TTC7A: variants seen among roughly 807,000 people sequenced by gnomAD.
TTC7A encodes tetratricopeptide repeat domain 7A.
Under a neutral mutation model 103.7 loss-of-function variants are expected in TTC7A, and 110 were observed. The observed-to-expected ratio is 1.06, with a 90% CI of 0.91 to 1.24. The LOEUF is 1.24. TTC7A is among the 50% of genes most tolerant of loss of function. The pLI, the probability that TTC7A is intolerant of heterozygous loss-of-function variation, is 0.00. For synonymous variants in TTC7A, 521 were observed against 467.9 expected, an observed-to-expected ratio of 1.11 and a Z score of -1.47; for missense variants, 1,340 against 1,116.3, an observed-to-expected ratio of 1.20 and a Z score of -2.86.
chr2:47,002,550 A>G (rs72872926), intron 8 of TTC7A, among the ~76,000 whole-genome samples: 2,430 of 152,150 alleles, frequency 0.016, 63 homozygotes, highest in African/African-American at 0.055. Context: ...ATGGGGGTAC[A>G]CCATGTGGCC....
intron 19 of TTC7A, among the ~76,000 whole-genome samples, chr2:47,072,150 G>A (rs958812250): frequency 6.6e-6 from 1 of 152,194 alleles, no homozygotes; most frequent in Non-Finnish European, 1.5e-5. Flanking sequence ...TGGCCAGCCT[G>A]GCCACTACCC....
intron 16 of TTC7A, chr2:47,046,928 G>C (rs1682385518): frequency 7.4e-6 from 2 of 270,320 alleles, no homozygotes; most frequent in Non-Finnish European, 1.4e-5. Flanking sequence ...GGCTAGAAGA[G>C]GAGGAGGAGG....
rs1296013032 is a variant in TTC7A at position 47,023,434 on chromosome 2, T to C, written c.1537T>C (p.Leu513=). The C allele has an allele frequency of 6.2e-7, 1 of 1,614,042 alleles. No homozygotes were observed. The highest frequency in any genetic ancestry group is 2.2e-5 in the East Asian group (1 of 44,878). The change falls in exon 13 of 20, where the codon TTG becomes CTG. Residue 513 remains leucine, a synonymous_variant. Coordinates refer to ENST00000319190, the MANE Select transcript of TTC7A (RefSeq NM_020458.4). ...DATLKSKQDE[L]HRKALQTLER... Reference sequence around the variant, plus strand: ...CACCCTGAAGTCCAAGCAAGATGAATTGCACCGGAAGGCACTGCAGACGCT... The same window carrying C: ...CACCCTGAAGTCCAAGCAAGATGAACTGCACCGGAAGGCACTGCAGACGCT...
At chr2:47,037,075 A>G (rs1378672819) in intron 15 of TTC7A, among the ~76,000 whole-genome samples, 2 of 152,104 alleles carry the variant, frequency 1.3e-5, no homozygotes, top group African/African-American at 4.8e-5. Flanking sequence ...CCTCTCTCCC[A>G]CTATAGGCCT....
At chr2:47,036,452 G>A (rs1298339842) in intron 15 of TTC7A, among the ~76,000 whole-genome samples, 2 of 152,216 alleles carry the variant, frequency 1.3e-5, no homozygotes, top group Admixed American at 6.5e-5. Flanking sequence ...ATTAGTTTTA[G>A]GGTTAAGAAG....
At chr2:47,011,124 C>T (rs1677996941) in intron 10 of TTC7A, among the ~76,000 whole-genome samples, 1 of 152,310 alleles carries the variant, frequency 6.6e-6, no homozygotes. Flanking sequence ...AGGGTCACAG[C>T]CTCTAATCTT....
chr2:47,070,016 GC>G (rs1205027404), intron 19 of TTC7A, among the ~76,000 whole-genome samples: 1 of 152,126 alleles, frequency 6.6e-6, no homozygotes. Flanking sequence ...GGAGGGCTCA[GC>G]CTGGCCCACA....
At chr2:46,945,885 G>A (rs1670892655) in intron 1 of TTC7A, among the ~76,000 whole-genome samples, 1 of 152,190 alleles carries the variant, frequency 6.6e-6, no homozygotes, top group Admixed American at 6.5e-5. Flanking sequence ...TATAGTCCTG[G>A]GAGGTGAGCA....
At chr2:46,969,364 G>C (rs1259545951) in intron 3 of TTC7A, among the ~76,000 whole-genome samples, 1 of 152,022 alleles carries the variant, frequency 6.6e-6, no homozygotes, top group Admixed American at 6.5e-5. Flanking sequence ...AAAATTAGCC[G>C]AGCTTAGTGG....
intron 14 of TTC7A, among the ~76,000 whole-genome samples, chr2:47,028,476 A>G (rs1465990914): frequency 6.6e-6 from 1 of 152,140 alleles, no homozygotes. Context: ...GGGCTACTGG[A>G]GCAGCTGGGG....
Position 47,050,018 on chromosome 2 carries a change from T to C in TTC7A, c.1989T>C (p.Thr663=). ...AGAAGCAGAGTGGCATGCACCTGAC[T>C]TTGCCTGATGCCCATGATGCAGACT... is the stretch of plus-strand genomic sequence containing the variant. ...TMKKQSGMHL[T]LPDAHDADSG... Residue 663 remains threonine, a synonymous_variant, in exon 17 of 20, where the codon ACT becomes ACC. Transcript: ENST00000319190. 1 of 1,614,106 alleles carries C rather than the reference T, an allele frequency of 6.2e-7. No individual in the cohort carries two copies. The highest frequency in any genetic ancestry group is 8.5e-7 in the Non-Finnish European group (1 of 1,180,000).
chr2:46,963,290 T>C (rs1408000612), intron 3 of TTC7A, among the ~76,000 whole-genome samples: 1 of 152,266 alleles, frequency 6.6e-6, no homozygotes, highest in Non-Finnish European at 1.5e-5. Flanking sequence ...AAAGCTTTCT[T>C]ATTCGGAGAG....
chr2:46,956,290 G>A (rs563594450), intron 2 of TTC7A, among the ~76,000 whole-genome samples: 138 of 151,864 alleles, frequency 9.1e-4, no homozygotes, highest in African/African-American at 3.0e-3. Context: ...GACGCAGCAG[G>A]CCCTCTCCTC....
intron 13 of TTC7A, 102 bp downstream of exon 13, chr2:47,023,567 T>C: frequency 8.1e-7 from 1 of 1,241,064 alleles, no homozygotes; most frequent in Non-Finnish European, 1.2e-6. Context: ...AACAAACATT[T>C]CTATCTCCAT....
Position 47,024,272 on chromosome 2 carries a change from C to T in TTC7A, c.1569-15C>T. On this transcript the variant is annotated splice_polypyrimidine_tract_variant and intron_variant, in intron 13 of 19. Coordinates refer to ENST00000319190, the MANE Select transcript of TTC7A (RefSeq NM_020458.4). Reference sequence around the variant, plus strand: ...ACCCCTGGTGCCTGACTTGTCACTCCCTCTCCCCACACAGGGCTCAGCAGC... The same window carrying T: ...ACCCCTGGTGCCTGACTTGTCACTCTCTCTCCCCACACAGGGCTCAGCAGC... 1.3e-6 allele frequency: 2 copies of T among 1,584,690 alleles called. No individual in the cohort carries two copies. The highest frequency in any genetic ancestry group is 1.7e-6 in the Non-Finnish European group (2 of 1,164,418).
Position 46,978,912 on chromosome 2 carries a change from G to A in TTC7A, c.764+5G>A, listed in dbSNP as rs1180479579. On this transcript the variant is annotated splice_donor_5th_base_variant and intron_variant, in intron 5 of 19. Coordinates refer to ENST00000319190, the MANE Select transcript of TTC7A (RefSeq NM_020458.4). ...TGTGAAAAACCTGAAGAAGGGGTAGGTCACTGGTAGTTGAGTGAGTGGGAG... is the reference window on the plus strand; with the variant it reads ...TGTGAAAAACCTGAAGAAGGGGTAGATCACTGGTAGTTGAGTGAGTGGGAG... The A allele has an allele frequency of 3.1e-6, 5 of 1,605,432 alleles. 1 individual carries two copies. Among genetic ancestry groups the A allele is most frequent in the Non-Finnish European group, 4.3e-6 (5 of 1,172,144 alleles).
intron 15 of TTC7A, among the ~76,000 whole-genome samples, chr2:47,044,289 C>T (rs1387616020): frequency 6.6e-6 from 1 of 152,222 alleles, no homozygotes; most frequent in Non-Finnish European, 1.5e-5. Flanking sequence ...ATTCTCTGGG[C>T]AGTGTGTCAT....
intron 5 of TTC7A, among the ~76,000 whole-genome samples, chr2:46,987,708 A>T (rs1201775486): frequency 6.6e-6 from 1 of 152,228 alleles, no homozygotes; most frequent in African/African-American, 2.4e-5. Context: ...TCACTGCACC[A>T]AAATCAAACA....
At chr2:47,038,679 G>T (rs1216659914) in intron 15 of TTC7A, among the ~76,000 whole-genome samples, 1 of 102,122 alleles carries the variant, frequency 9.8e-6, no homozygotes, top group Non-Finnish European at 1.8e-5. Context: ...AGGGTTCCCA[G>T]AATGGCCAGG....
Sources: allele counts gnomAD v4.1 joint callset (sites outside exome capture counted in the v4.1 genomes callset), GRCh38; gene constraint gnomAD v4.1.1; transcripts MANE v1.5; gene names NCBI Gene and HGNC (gene_info 2026-07-23, HGNC 2026-07-21).